PXK: variants seen among roughly 807,000 people sequenced by gnomAD.
PXK encodes PX domain-containing protein kinase-like protein.
PXK carries 35 observed loss-of-function variants against 84.7 expected under a neutral mutation model. The ratio of observed to expected loss-of-function variants is 0.41; its 90% CI spans 0.32 to 0.55. The LOEUF is 0.55. PXK is among the 20% of genes least tolerant of loss of function. The probability of loss-of-function intolerance (pLI) is 0.21; values close to 1 mark genes in which losing one functional copy is unlikely to be tolerated. For missense variants in PXK, 634 were observed against 699.7 expected (o/e 0.91, Z 1.06); for synonymous variants, 253 against 260.8 (o/e 0.97, Z 0.29).
At position 58,424,972 on chromosome 3, in the gene PXK, T is replaced by TAC. The variant is rs2062629831; in HGVS notation, c.*15_*16dup. On this transcript the variant is annotated 3_prime_UTR_variant, in exon 18 of 18. Coordinates refer to ENST00000356151, the MANE Select transcript of PXK (RefSeq NM_017771.5). The stretch of plus-strand genomic sequence containing the variant: ...CGAAGATCGGCTGAAGCTTCCTGTT[T>TAC]ACACTTGGAGGGAAAAGTTCTTTTT... The TAC allele has an allele frequency of 6.2e-7, 1 of 1,613,672 alleles. No individual in the cohort carries two copies. The highest frequency in any genetic ancestry group is 1.7e-5 in the Admixed American group (1 of 59,972).
At chr3:58,355,774 G>C (rs568448532) in intron 1 of PXK, among the ~76,000 whole-genome samples, 101 of 152,290 alleles carry the variant, frequency 6.6e-4, no homozygotes, top group African/African-American at 2.4e-3. Context: ...ACATCATTGG[G>C]GTGAACCAGC....
Position 58,412,834 on chromosome 3 carries a change from C to T in PXK, c.1466-67C>T. The T allele has an allele frequency of 6.5e-7, 1 of 1,540,954 alleles. No homozygotes were observed. The highest frequency in any genetic ancestry group is 1.1e-5 in the South Asian group (1 of 89,518). On this transcript the variant is annotated intron_variant, in intron 16 of 17. Transcript: ENST00000356151. This position sits in a 1 kb window ranked among gnomAD's most constrained non-coding sequence, Gnocchi z 6.2. The stretch of plus-strand genomic sequence containing the variant: ...TAGATTCTCAGACAGCAGTGGGTCC[C>T]AGCCTGGGCCAAATTCCAAATGTCT...
At position 58,333,576 on chromosome 3, in the gene PXK, G is replaced by C. The variant is rs186254165; in HGVS notation, c.102+486G>C. 2.0e-4 allele frequency: 92 copies of C among 456,788 alleles called. 1 individual carries two copies. The East Asian group carries it at 5.0e-3, about 25-fold the overall frequency. The allele number at this position is 456,788 out of a possible 1,614,324, so 28.3% of individuals were successfully genotyped here. A position where few individuals can be genotyped will look rare whatever the true frequency, so the allele number is the denominator to read the frequency against. On this transcript the variant is annotated intron_variant, in intron 1 of 17. Transcript: ENST00000356151. This position sits in a 1 kb window ranked among gnomAD's most constrained non-coding sequence, Gnocchi z 5.4. ...TGAAGTGTGACTCCAGAGCCTACTTGTTGGGACAGCAGAGTGTAAGTGGCT... is the reference window on the plus strand; with the variant it reads ...TGAAGTGTGACTCCAGAGCCTACTTCTTGGGACAGCAGAGTGTAAGTGGCT...
In PXK at chr3:58,385,602, G is replaced by A. The variant is rs1201405369; in HGVS notation, c.388+2902G>A. 1.3e-5 allele frequency among the ~76,000 whole-genome samples: 2 copies of A among 152,148 alleles called. No homozygotes were observed. Among genetic ancestry groups the A allele is most frequent in the African/African-American group, 4.8e-5 (2 of 41,436 alleles). On this transcript the variant is annotated intron_variant, in intron 4 of 17. Coordinates refer to ENST00000356151, the MANE Select transcript of PXK (RefSeq NM_017771.5). The surrounding 1 kb of genome is among the most constrained non-coding windows in gnomAD (Gnocchi z 5.1). ...CAGCCGTGACCTTCTGGGTTCAAGT[G>A]ATCCTTGCGCTCCAGCCTCCTGAGT...
intron 1 of PXK, among the ~76,000 whole-genome samples, chr3:58,338,311 C>T (rs570784606): frequency 2.3e-5 from 3 of 133,252 alleles, no homozygotes; most frequent in South Asian, 2.3e-4. Context: ...TTGCACTCTC[C>T]GTCTCAAAAA....
Position 58,395,700 on chromosome 3 carries a change from A to G in PXK, c.763A>G (p.Lys255Glu). The change falls in exon 9 of 18, where the codon AAG (lysine) becomes GAG (glutamate). Residue 255 changes from lysine to glutamate, a missense_variant. By Grantham distance (56) the Lys-to-Glu change is moderately conservative. Around this residue, in one of 3 missense-constraint regions of PXK, gnomAD observed 353 missense variants for 385.2 expected, o/e 0.92. Transcript: ENST00000356151. ...DPFLKKYCNP[K>E]KIQGLELQQI... ...ATTTCTAAAGAAGTACTGCAACCCT[A>G]AGAAGATTCAGGGCCTGGAACTCCA... 1 of 1,613,884 alleles carries G rather than the reference A, an allele frequency of 6.2e-7. No homozygotes were observed. Among genetic ancestry groups the G allele is most frequent in the African/African-American group, 1.3e-5 (1 of 75,038 alleles).
intron 4 of PXK, among the ~76,000 whole-genome samples, chr3:58,384,691 C>T (rs1264111103): frequency 6.6e-6 from 1 of 152,162 alleles, no homozygotes; most frequent in African/African-American, 2.4e-5. Context: ...GGTTTATCTC[C>T]CTCATTCCCT....
At position 58,390,141 on chromosome 3, in the gene PXK, G is replaced by C. The variant is rs1329976450; in HGVS notation, c.389-441G>C. Among the ~76,000 whole-genome samples the C allele has an allele frequency of 6.6e-6, 1 of 151,914 alleles. No individual in the cohort carries two copies. The highest frequency in any genetic ancestry group is 1.5e-5 in the Non-Finnish European group (1 of 68,006). Reference sequence around the variant, plus strand: ...TGCAGTGAGCCATGATTGTGCCACTGAGTTCCAGCCTGGGCAACAGAGTGA... The same window carrying C: ...TGCAGTGAGCCATGATTGTGCCACTCAGTTCCAGCCTGGGCAACAGAGTGA... On this transcript the variant is annotated intron_variant, in intron 4 of 17. Transcript: ENST00000356151. The surrounding 1 kb of genome is among the most constrained non-coding windows in gnomAD (Gnocchi z 4.2).
At position 58,332,938 on chromosome 3, in the gene PXK, C is replaced by T. The variant is rs2097520348; in HGVS notation, c.-51C>T. 9.9e-6 allele frequency: 12 copies of T among 1,211,944 alleles called. No homozygotes were observed. Among genetic ancestry groups the T allele is most frequent in the Non-Finnish European group, 1.3e-5 (12 of 940,622 alleles). 75.1% of individuals were successfully genotyped at this position (1,211,944 alleles called of 1,614,324 possible). On this transcript the variant is annotated 5_prime_UTR_variant, in exon 1 of 18. Transcript: ENST00000356151. This position sits in a 1 kb window ranked among gnomAD's most constrained non-coding sequence, Gnocchi z 5.6. ...ACCGGGCGGGCGGCGGGAGTCGGCG[C>T]CTCGGGTTCCTACCTCGCGTCCCTA...
Position 58,383,543 on chromosome 3 carries a change from A to G in PXK, c.388+843A>G, listed in dbSNP as rs1398854448. Among the ~76,000 whole-genome samples, 2 of 152,190 alleles carry G rather than the reference A, an allele frequency of 1.3e-5. No individual in the cohort carries two copies. Among genetic ancestry groups the G allele is most frequent in the African/African-American group, 4.8e-5 (2 of 41,458 alleles). ...CTGAGACCCACTCAGTGCAAAGCAT[A>G]GGAGGTCATTCTCTTCCAAATCTTT... On this transcript the variant is annotated intron_variant, in intron 4 of 17. Transcript: ENST00000356151. The surrounding 1 kb of genome is among the most constrained non-coding windows in gnomAD (Gnocchi z 4.0).
Position 58,409,770 on chromosome 3 carries a change from T to TGG in PXK, c.1395+155_1395+156dup. 4.2e-6 allele frequency: 1 copy of TGG among 235,392 alleles called. No individual in the cohort carries two copies. The highest frequency in any genetic ancestry group is 6.0e-5 in the South Asian group (1 of 16,800). The allele number at this position is 235,392 out of a possible 1,614,324, so 14.6% of individuals were successfully genotyped here. A position where few individuals can be genotyped will look rare whatever the true frequency, so the allele number is the denominator to read the frequency against. On this transcript the variant is annotated intron_variant, in intron 15 of 17. Coordinates refer to ENST00000356151, the MANE Select transcript of PXK (RefSeq NM_017771.5). The surrounding 1 kb of genome is among the most constrained non-coding windows in gnomAD (Gnocchi z 4.2). ...CCAGATGACTGGGGTGCAGTTTTTTTGGGGAAAAAAAAAGAGTCATATGAT... is the reference window on the plus strand; with the variant it reads ...CCAGATGACTGGGGTGCAGTTTTTTTGGGGGGAAAAAAAAAGAGTCATATGAT...
chr3:58,341,247 T>C (rs1438063328), intron 1 of PXK, among the ~76,000 whole-genome samples: 2 of 152,156 alleles, frequency 1.3e-5, no homozygotes, highest in South Asian at 2.1e-4. Context: ...TAAGTAACCA[T>C]TTTTAGCTGA....
At chr3:58,365,973 C>A in intron 2 of PXK, 49 bp downstream of exon 2, 2 of 1,442,482 alleles carry the variant, frequency 1.4e-6, no homozygotes, top group African/African-American at 1.5e-5. Context: ...TATTTAAATG[C>A]GTGACTAAAA....
chr3:58,422,058 T>A (rs548781022), intron 17 of PXK: 6 of 985,252 alleles, frequency 6.1e-6, no homozygotes, highest in Non-Finnish European at 7.2e-6. Context: ...ATGGTAACTT[T>A]CATTTGGCCC....
At chr3:58,375,730 G>C (rs1405831451) in intron 3 of PXK, among the ~76,000 whole-genome samples, 2 of 152,134 alleles carry the variant, frequency 1.3e-5, no homozygotes, top group Non-Finnish European at 2.9e-5. Context: ...GTGGGTGTGT[G>C]TGAGCGCACC....
intron 1 of PXK, among the ~76,000 whole-genome samples, chr3:58,337,335 A>G (rs2097640652): frequency 6.6e-6 from 1 of 152,262 alleles, no homozygotes; most frequent in Non-Finnish European, 1.5e-5. Flanking sequence ...GCATTCCTGC[A>G]TGGCTTATTT....
intron 1 of PXK, among the ~76,000 whole-genome samples, chr3:58,363,459 ACT>A (rs2098222420): frequency 6.6e-6 from 1 of 152,062 alleles, no homozygotes; most frequent in Non-Finnish European, 1.5e-5. Context: ...AGTAGCTGGG[ACT>A]ACAGGCATGT....
rs921864902 is a variant in PXK, at chr3:58,398,860, C to T, written c.1103-439C>T. Reference sequence around the variant, plus strand: ...CTGTGGGTAGAAAAATCTGGCTGCTCCTGTTAATAGCATCCAAGGTGTTGG... The same window carrying T: ...CTGTGGGTAGAAAAATCTGGCTGCTTCTGTTAATAGCATCCAAGGTGTTGG... On this transcript the variant is annotated intron_variant, in intron 11 of 17. Transcript: ENST00000356151. The surrounding 1 kb of genome is among the most constrained non-coding windows in gnomAD (Gnocchi z 4.5). 6.6e-6 allele frequency among the ~76,000 whole-genome samples: 1 copy of T among 152,166 alleles called. No homozygotes were observed. The highest frequency in any genetic ancestry group is 1.5e-5 in the Non-Finnish European group (1 of 68,022).
intron 3 of PXK, among the ~76,000 whole-genome samples, chr3:58,377,577 A>AAGT (rs1383109777): frequency 6.6e-6 from 1 of 151,830 alleles, no homozygotes; most frequent in Non-Finnish European, 1.5e-5. Flanking sequence ...CCAGGAGTTC[A>AAGT]AGTACATAGT....
Sources: gnomAD v4.1 joint callset for allele counts (sites outside exome capture counted in the v4.1 genomes callset) on GRCh38, gnomAD v4.1.1 for gene constraint, gnomAD v4.1.1 regional missense constraint, Gnocchi (gnomAD v3.1) non-coding constraint, MANE v1.5 for transcripts, NCBI Gene and HGNC (gene_info 2026-07-23, HGNC 2026-07-21) for gene names.